The following RAD51B variants were observed in gnomAD, a reference collection of about 807,000 sequenced individuals.
The protein encoded by RAD51B is DNA repair protein RAD51 homolog 2.
Under a neutral mutation model 42.2 loss-of-function variants are expected in RAD51B, and 38 were observed. That is an observed-to-expected ratio of 0.90 (90% CI 0.70 to 1.18). RAD51B has a LOEUF of 1.18. RAD51B is among the 50% of genes most tolerant of loss of function. RAD51B has a pLI of 0.00. For synonymous variants in RAD51B, 154 were observed against 145.2 expected (o/e 1.06, Z -0.43); for missense variants, 373 against 400.7 (o/e 0.93, Z 0.59).
chr14:68,422,582 G>A (rs1477140639), intron 9 of RAD51B, among the ~76,000 whole-genome samples: 3 of 144,792 alleles, frequency 2.1e-5, no homozygotes, highest in Non-Finnish European at 4.5e-5. Context: ...AAAAAAATTA[G>A]GGGTAGAGGA....
rs1270972746 is a variant in RAD51B at position 68,411,531 on chromosome 14, G to C, written c.957+4G>C. The C allele has an allele frequency of 1.2e-6, 2 of 1,612,140 alleles. No homozygotes were observed. The highest frequency in any genetic ancestry group is 2.2e-5 in the East Asian group (1 of 44,860). On this transcript the variant is annotated splice_donor_region_variant and intron_variant, in intron 9 of 10. Coordinates refer to ENST00000471583, the MANE Select transcript of RAD51B (RefSeq NM_133510.4). Reference sequence around the variant, plus strand: ...CCTTGATTCAGAGAGAAGACAGGTGGGTGCTTTGACAGTATTCTCTGACTA... The same window carrying C: ...CCTTGATTCAGAGAGAAGACAGGTGCGTGCTTTGACAGTATTCTCTGACTA...
chr14:67,964,823 C>T (rs2074739199), intron 7 of RAD51B, among the ~76,000 whole-genome samples: 1 of 152,074 alleles, frequency 6.6e-6, no homozygotes, highest in South Asian at 2.1e-4. Flanking sequence ...TAGTAATGGA[C>T]CTTCTTGTTA....
intron 7 of RAD51B, among the ~76,000 whole-genome samples, chr14:68,183,563 C>T (rs1051445973): frequency 5.3e-5 from 8 of 152,192 alleles, no homozygotes; most frequent in African/African-American, 1.7e-4. Context: ...ATCAGGTTGA[C>T]ACTCAGTATT....
intron 11 of RAD51B, among the ~76,000 whole-genome samples, chr14:68,670,373 C>T (rs1443304946): frequency 6.6e-6 from 1 of 152,122 alleles, no homozygotes; most frequent in Non-Finnish European, 1.5e-5. Flanking sequence ...CCGGCCCACC[C>T]CTCTGCAGTT....
At position 68,601,229 on chromosome 14, in the gene RAD51B, C is replaced by CT. The variant is rs113817554; in HGVS notation, c.1037-9768dup. 1.1e-3 allele frequency among the ~76,000 whole-genome samples: 159 copies of CT among 151,392 alleles called. 2 individuals carry two copies. Among genetic ancestry groups the CT allele is most frequent in the African/African-American group, 3.7e-3 (153 of 41,278 alleles). ...TCTCATAGCCACGTCTCACCAGTAA[C>CT]TTTTTTTTTGGTGGGGGGGTGGGTC... On this transcript the variant is annotated intron_variant, in intron 10 of 10. Transcript: ENST00000487861.
intron 7 of RAD51B, among the ~76,000 whole-genome samples, chr14:68,273,930 A>G (rs2081171408): frequency 6.6e-6 from 1 of 152,028 alleles, no homozygotes; most frequent in Non-Finnish European, 1.5e-5. Flanking sequence ...TTTAAATTCT[A>G]TTTTTCATCA....
At chr14:68,015,310 A>C (rs1006958837) in intron 7 of RAD51B, among the ~76,000 whole-genome samples, 7 of 152,194 alleles carry the variant, frequency 4.6e-5, no homozygotes, top group South Asian at 2.1e-4. Context: ...GGGGATACAA[A>C]GGTGACTACT....
chr14:68,125,645 T>A (rs2077741479), intron 7 of RAD51B, among the ~76,000 whole-genome samples: 1 of 152,172 alleles, frequency 6.6e-6, no homozygotes, highest in South Asian at 2.1e-4. Flanking sequence ...TTGACTGTGG[T>A]CAGTTTAGTT....
intron 7 of RAD51B, among the ~76,000 whole-genome samples, chr14:68,285,506 A>T (rs1038278759): frequency 3.1e-4 from 47 of 152,208 alleles, no homozygotes; most frequent in African/African-American, 1.1e-3. Context: ...CTCAGCACCC[A>T]CATTCTCTTC....
At chr14:68,459,677 T>C (rs989537842) in intron 9 of RAD51B, among the ~76,000 whole-genome samples, 5 of 152,168 alleles carry the variant, frequency 3.3e-5, no homozygotes, top group African/African-American at 1.2e-4. Flanking sequence ...GACAGGAAAT[T>C]GTGTATGGAT....
intron 10 of RAD51B, among the ~76,000 whole-genome samples, chr14:68,558,473 C>T (rs548473612): frequency 3.9e-5 from 6 of 152,334 alleles, no homozygotes; most frequent in South Asian, 4.1e-4. Context: ...ATCAAGGTTT[C>T]GGCAGGGCCA....
chr14:68,338,536 C>T (rs1183070902), intron 8 of RAD51B, among the ~76,000 whole-genome samples: 2 of 152,218 alleles, frequency 1.3e-5, no homozygotes, highest in East Asian at 1.9e-4. Flanking sequence ...GGTGATATGT[C>T]TGCCCTTAAT....
At chr14:67,937,421 G>A (rs1453380022) in intron 7 of RAD51B, among the ~76,000 whole-genome samples, 2 of 152,144 alleles carry the variant, frequency 1.3e-5, no homozygotes, top group African/African-American at 4.8e-5. Flanking sequence ...AAACCAACCG[G>A]TTCTAGCAGA....
intron 9 of RAD51B, among the ~76,000 whole-genome samples, chr14:68,467,574 G>A (rs1272143160): frequency 2.0e-5 from 3 of 152,208 alleles, no homozygotes; most frequent in Non-Finnish European, 2.9e-5. Context: ...TTGAGGCCTC[G>A]GCTGGGAACT....
intron 10 of RAD51B, among the ~76,000 whole-genome samples, chr14:68,638,378 C>T (rs987457796): frequency 6.6e-6 from 1 of 152,062 alleles, no homozygotes; most frequent in African/African-American, 2.4e-5. Context: ...CAGCTTCTTG[C>T]GAGCCAGGCC....
chr14:68,500,212 T>A (rs1884822745), intron 10 of RAD51B, among the ~76,000 whole-genome samples: 1 of 152,228 alleles, frequency 6.6e-6, no homozygotes, highest in African/African-American at 2.4e-5. Context: ...GTGGTAGTAA[T>A]AATGACCACA....
intron 4 of RAD51B, among the ~76,000 whole-genome samples, chr14:67,844,359 T>C (rs1385169515): frequency 4.6e-5 from 7 of 151,904 alleles, no homozygotes; most frequent in Admixed American, 3.3e-4. Context: ...TGTAGATGTC[T>C]ATTAGGTTCA....
chr14:68,485,140 G>T (rs1883523765), intron 10 of RAD51B, among the ~76,000 whole-genome samples: 1 of 152,298 alleles, frequency 6.6e-6, no homozygotes, highest in East Asian at 1.9e-4. Context: ...CTGTGAGAGG[G>T]CAAGACAGTG....
intron 7 of RAD51B, among the ~76,000 whole-genome samples, chr14:68,010,763 G>T (rs1306657055): frequency 2.0e-5 from 3 of 151,794 alleles, no homozygotes; most frequent in African/African-American, 4.8e-5. Context: ...GAATTTAGTA[G>T]ATATTACAGA....
Sources: allele counts gnomAD v4.1 joint callset (sites outside exome capture counted in the v4.1 genomes callset), GRCh38; gene constraint gnomAD v4.1.1; transcripts MANE v1.5; gene names NCBI Gene and HGNC (gene_info 2026-07-23, HGNC 2026-07-21).